The following PCGF6 variants were observed in gnomAD, a reference collection of about 807,000 sequenced individuals.
The protein encoded by PCGF6 is polycomb group RING finger protein 6.
A neutral mutation model predicts 45.5 loss-of-function variants in PCGF6; 24 were observed. The observed-to-expected ratio is 0.53, with a 90% CI of 0.38 to 0.74. The LOEUF (loss-of-function observed/expected upper bound fraction) is 0.74. PCGF6 is among the 30% of genes least tolerant of loss of function. The pLI is 0.00. For missense variants in PCGF6, 356 were observed against 443.2 expected (o/e 0.80, Z 1.77); for synonymous variants, 152 against 162.1 (o/e 0.94, Z 0.47).
intron 1 of PCGF6, among the ~76,000 whole-genome samples, chr10:103,350,252 G>A (rs1468351962): frequency 6.8e-6 from 1 of 147,464 alleles, no homozygotes; most frequent in Non-Finnish European, 1.5e-5. Context: ...GGAACATAGG[G>A]AGCCCTCCTC....
intron 1 of PCGF6, among the ~76,000 whole-genome samples, chr10:103,349,267 C>A (rs1256051389): frequency 6.6e-6 from 1 of 151,564 alleles, no homozygotes; most frequent in Non-Finnish European, 1.5e-5. Flanking sequence ...AGGCTGGTCT[C>A]GAACCCCTGG....
intron 5 of PCGF6, among the ~76,000 whole-genome samples, chr10:103,345,760 G>A (rs988986049): frequency 3.3e-5 from 5 of 151,928 alleles, no homozygotes; most frequent in Admixed American, 6.6e-5. Flanking sequence ...ACTGGAAGGC[G>A]GAGGTTGCAG....
chr10:103,331,077 G>C (rs977582734), intron 7 of PCGF6, among the ~76,000 whole-genome samples: 1 of 152,110 alleles, frequency 6.6e-6, no homozygotes, highest in African/African-American at 2.4e-5. Context: ...ATAATATATG[G>C]ATGGCCTTTT....
At chr10:103,332,610 T>C (rs910757005) in intron 7 of PCGF6, among the ~76,000 whole-genome samples, 4 of 152,114 alleles carry the variant, frequency 2.6e-5, no homozygotes, top group Admixed American at 1.3e-4. Flanking sequence ...TCTTTCTTCA[T>C]GAGGTTTTAA....
intron 6 of PCGF6, among the ~76,000 whole-genome samples, chr10:103,336,251 A>G (rs2133586106): frequency 6.6e-6 from 1 of 151,840 alleles, no homozygotes; most frequent in South Asian, 2.1e-4. Flanking sequence ...AAAATTTAAA[A>G]AAAAATAAAT....
intron 6 of PCGF6, among the ~76,000 whole-genome samples, chr10:103,340,198 A>ATATAT (rs1246929739): frequency 2.0e-4 from 18 of 87,886 alleles, no homozygotes; most frequent in African/African-American, 5.8e-4. Flanking sequence ...AAAAAAAAAA[A>ATATAT]ATATATATAT....
Position 103,349,010 on chromosome 10 carries a change from A to G in PCGF6, c.361-11T>C. 3 of 1,596,554 alleles carry G rather than the reference A, an allele frequency of 1.9e-6. No individual in the cohort carries two copies. Among genetic ancestry groups the G allele is most frequent in the South Asian group, 2.3e-5 (2 of 87,462 alleles). ...GAGATTAATCAGGCGCTGCAAATAA[A>G]CGGAAACAGTTTTAAAATACAAGTC... On this transcript the variant is annotated splice_polypyrimidine_tract_variant and intron_variant, in intron 1 of 9. Coordinates refer to ENST00000369847, the MANE Select transcript of PCGF6 (RefSeq NM_001011663.2).
intron 8 of PCGF6, among the ~76,000 whole-genome samples, chr10:103,319,419 G>C (rs1049429315): frequency 3.9e-5 from 6 of 151,916 alleles, no homozygotes; most frequent in Non-Finnish European, 5.9e-5. Context: ...CCAAAGTGCT[G>C]GGATTACAAG....
intron 9 of PCGF6, among the ~76,000 whole-genome samples, chr10:103,306,396 C>T (rs1034526161): frequency 1.3e-5 from 2 of 151,938 alleles, no homozygotes; most frequent in African/African-American, 2.4e-5. Flanking sequence ...CAACGCCTGG[C>T]CGCAATCCAC....
At chr10:103,340,013 A>AC (rs1476752894) in intron 6 of PCGF6, among the ~76,000 whole-genome samples, 3 of 144,692 alleles carry the variant, frequency 2.1e-5, no homozygotes, top group Non-Finnish European at 4.6e-5. Flanking sequence ...AATACAAAAA[A>AC]AAAAAAAAAA....
chr10:103,346,990 G>A (rs546482380), intron 5 of PCGF6, among the ~76,000 whole-genome samples: 4 of 152,214 alleles, frequency 2.6e-5, no homozygotes, highest in South Asian at 2.1e-4. Flanking sequence ...AGACATTTAC[G>A]TATGTAACTG....
At chr10:103,334,129 G>A (rs2093248904) in intron 6 of PCGF6, among the ~76,000 whole-genome samples, 177 bp from the exon 7 acceptor site, 2 of 151,996 alleles carry the variant, frequency 1.3e-5, no homozygotes, top group South Asian at 4.1e-4. Flanking sequence ...TAGTGGTTAA[G>A]GCAAAGGCAG....
At chr10:103,316,009 T>TAGAGAGAGAGAG (rs1398812514) in intron 8 of PCGF6, among the ~76,000 whole-genome samples, 1 of 127,384 alleles carries the variant, frequency 7.9e-6, no homozygotes, top group South Asian at 2.4e-4. Flanking sequence ...TATATATATA[T>TAGAGAGAGAGAG]ATATAGAGAG....
intron 5 of PCGF6, among the ~76,000 whole-genome samples, chr10:103,346,620 C>A (rs1258274834): frequency 6.6e-6 from 1 of 151,836 alleles, no homozygotes; most frequent in Non-Finnish European, 1.5e-5. Context: ...AAAAAATAAT[C>A]ATAATAAATA....
chr10:103,308,573 C>T (rs1188904358), intron 9 of PCGF6, among the ~76,000 whole-genome samples: 1 of 151,490 alleles, frequency 6.6e-6, no homozygotes, highest in South Asian at 2.1e-4. Flanking sequence ...TAATTTTGAG[C>T]TTTAAGATTT....
At chr10:103,309,500 T>C (rs2093149156) in intron 9 of PCGF6, among the ~76,000 whole-genome samples, 1 of 152,220 alleles carries the variant, frequency 6.6e-6, no homozygotes, top group South Asian at 2.1e-4. Flanking sequence ...GCTGCTATGA[T>C]TCCTGTACAG....
Position 103,303,814 on chromosome 10 carries a change from T to C in PCGF6, c.*91A>G, listed in dbSNP as rs1195068284. ...GTAAGTTATGTCTTGAACAGCAAAG[T>C]GGTAGCAATTACATTTCATGGAAAT... On this transcript the variant is annotated 3_prime_UTR_variant, in exon 10 of 10. Coordinates refer to ENST00000369847, the MANE Select transcript of PCGF6 (RefSeq NM_001011663.2). 2.7e-6 allele frequency: 3 copies of C among 1,126,200 alleles called. No individual in the cohort carries two copies. The highest frequency in any genetic ancestry group is 3.1e-5 in the African/African-American group (2 of 64,258). 69.8% of individuals were successfully genotyped at this position (1,126,200 alleles called of 1,614,324 possible). A position where few individuals can be genotyped will look rare whatever the true frequency, so the allele number is the denominator to read the frequency against.
Position 103,347,288 on chromosome 10 carries a change from T to C in PCGF6, c.623A>G (p.Lys208Arg). The change falls in exon 5 of 10, where the codon AAG becomes AGG. Residue 208 changes from lysine to arginine, a missense_variant. Lys to Arg is a conservative substitution (Grantham distance 26, BLOSUM62 2). This residue lies in a region of PCGF6 where 307 missense variants were observed against 350.1 expected (regional missense o/e 0.88). Coordinates refer to ENST00000369847, the MANE Select transcript of PCGF6 (RefSeq NM_001011663.2). The stretch of plus-strand genomic sequence containing the variant: ...TTCTTTATAGAAATCATGCATTTGC[T>C]TTTTTTCTCCTAAAAAATGATAAAA... ...LVINLEEREK[K>R]QMHDFYKERG... The C allele has an allele frequency of 3.1e-6, 5 of 1,608,612 alleles. No individual in the cohort carries two copies. The highest frequency in any genetic ancestry group is 4.3e-6 in the Non-Finnish European group (5 of 1,175,258).
chr10:103,347,352 CAG>C (rs766428726), intron 4 of PCGF6, 41 bp downstream of exon 4: 1 of 1,589,214 alleles, frequency 6.3e-7, no homozygotes, highest in Non-Finnish European at 8.6e-7. Flanking sequence ...CTACTAGAGT[CAG>C]AGATTCTGGG....
Sources: gnomAD v4.1 joint callset for allele counts (sites outside exome capture counted in the v4.1 genomes callset) on GRCh38, gnomAD v4.1.1 for gene constraint, gnomAD v4.1.1 regional missense constraint, MANE v1.5 for transcripts, NCBI Gene and HGNC (gene_info 2026-07-23, HGNC 2026-07-21) for gene names.